The following PDE9A variants were observed in gnomAD, a reference collection of about 807,000 sequenced individuals.
PDE9A encodes the protein high affinity cGMP-specific 3',5'-cyclic phosphodiesterase 9A.
Under a neutral mutation model 87.4 loss-of-function variants are expected in PDE9A, and 60 were observed. That is an observed-to-expected ratio of 0.69 (90% confidence interval 0.56 to 0.85). The LOEUF is 0.85. Ranked by LOEUF, PDE9A falls within the 40% of genes least tolerant of loss-of-function variation. PDE9A has a pLI of 0.00. For missense variants in PDE9A, 665 were observed against 779.0 expected (o/e 0.85, Z 1.74); for synonymous variants, 272 against 279.4 (o/e 0.97, Z 0.27).
intron 1 of PDE9A, among the ~76,000 whole-genome samples, chr21:42,664,804 C>T (rs139069801): frequency 8.5e-5 from 13 of 152,190 alleles, no homozygotes; most frequent in Non-Finnish European, 1.3e-4. Context: ...GTCGGCCTTG[C>T]GAGAGACTCA....
intron 19 of PDE9A, among the ~76,000 whole-genome samples, chr21:42,773,844 C>G (rs563424941): frequency 1.1e-4 from 16 of 150,976 alleles, no homozygotes; most frequent in African/African-American, 3.9e-4. Flanking sequence ...GTGGCTCATG[C>G]CTGTAGTCCC....
intron 1 of PDE9A, among the ~76,000 whole-genome samples, chr21:42,664,235 C>T (rs756254576): frequency 3.3e-4 from 50 of 152,256 alleles, no homozygotes; most frequent in Non-Finnish European, 5.3e-4. Flanking sequence ...GTGTTCGGCT[C>T]AGTGGGCAAT....
chr21:42,759,094 C>G lies in PDE9A; in HGVS notation c.897+9C>G. 2 of 1,605,224 alleles carry G rather than the reference C, an allele frequency of 1.2e-6. No individual in the cohort carries two copies. The highest frequency in any genetic ancestry group is 8.5e-7 in the Non-Finnish European group (1 of 1,171,982). ...CCCTCAGGAGGTGGCTGGTGAGTGC[C>G]AAACCCGCCTTCGGTTCTTCCTGGG... is the stretch of plus-strand genomic sequence containing the variant. On this transcript the variant is annotated intron_variant, in intron 11 of 19. Coordinates refer to ENST00000291539, the MANE Select transcript of PDE9A (RefSeq NM_002606.3). This position sits in a 1 kb window ranked among gnomAD's most constrained non-coding sequence, Gnocchi z 7.2.
At chr21:42,750,615 G>A (rs2146976274) in intron 8 of PDE9A, among the ~76,000 whole-genome samples, 1 of 151,052 alleles carries the variant, frequency 6.6e-6, no homozygotes, top group South Asian at 2.1e-4. Context: ...TGCCCAGACT[G>A]GCCAGGCTGG....
chr21:42,715,883 C>CATTCCCTGGGTTTGGACAAATATATGA (rs1555919700), intron 4 of PDE9A, among the ~76,000 whole-genome samples: 1 of 151,706 alleles, frequency 6.6e-6, no homozygotes, highest in Non-Finnish European at 1.5e-5. Context: ...AATCGGTTCA[C>CATTCCCTGGGTTTGGACAAATATATGA]TGCCTTCAAA....
At chr21:42,689,505 C>A (rs2059670298) in intron 3 of PDE9A, 1 of 984,080 alleles carries the variant, frequency 1.0e-6, no homozygotes, top group Non-Finnish European at 1.2e-6. Flanking sequence ...ACCCACAAGA[C>A]TAAAATGATC....
intron 1 of PDE9A, among the ~76,000 whole-genome samples, chr21:42,664,463 T>C (rs2269132): frequency 0.37 from 56,866 of 152,084 alleles, 12,283 homozygotes; most frequent in African/African-American, 0.61. Flanking sequence ...TTCTACCTGC[T>C]TTCCGGGCTG....
At chr21:42,748,247 T>G (rs1216879914) in intron 8 of PDE9A, among the ~76,000 whole-genome samples, 5 of 152,240 alleles carry the variant, frequency 3.3e-5, no homozygotes. Context: ...CGTTCGTTAC[T>G]TCTCAGAAAT....
intron 4 of PDE9A, among the ~76,000 whole-genome samples, chr21:42,726,753 G>C (rs2146658084): frequency 6.7e-6 from 1 of 149,372 alleles, no homozygotes; most frequent in African/African-American, 2.5e-5. Flanking sequence ...GCGCCACTGT[G>C]TGTGGCTGGT....
intron 14 of PDE9A, among the ~76,000 whole-genome samples, chr21:42,764,979 G>GA (rs2056224050): frequency 8.2e-6 from 1 of 122,134 alleles, no homozygotes; most frequent in Non-Finnish European, 1.7e-5. Flanking sequence ...TGTGGGGTGG[G>GA]TGGGTGGATG....
intron 2 of PDE9A, among the ~76,000 whole-genome samples, chr21:42,687,557 G>A (rs915586954): frequency 1.3e-5 from 2 of 152,096 alleles, no homozygotes; most frequent in Non-Finnish European, 1.5e-5. Context: ...CAAAGGCACT[G>A]GAAGCGGAAA....
At chr21:42,768,333 AT>A (rs2056601106) in intron 16 of PDE9A, 41 bp downstream of exon 16, 1 of 1,271,936 alleles carries the variant, frequency 7.9e-7, no homozygotes. Flanking sequence ...AGCCACTCTT[AT>A]TAGCCCCACT....
chr21:42,653,766 G>C lies in PDE9A; in HGVS notation c.-49G>C. On this transcript the variant is annotated 5_prime_UTR_variant, in exon 1 of 20. Coordinates refer to ENST00000291539, the MANE Select transcript of PDE9A (RefSeq NM_002606.3). Reference sequence around the variant, plus strand: ...CCTCCCCCGCCTCCCGCGGCGGCTGGCGTCGGGAAAGTACAGTAAAAAGTC... The same window carrying C: ...CCTCCCCCGCCTCCCGCGGCGGCTGCCGTCGGGAAAGTACAGTAAAAAGTC... 1 of 1,240,136 alleles carries C rather than the reference G, an allele frequency of 8.1e-7. No individual in the cohort carries two copies. Among genetic ancestry groups the C allele is most frequent in the Non-Finnish European group, 1.1e-6 (1 of 905,000 alleles). The allele number at this position is 1,240,136 out of a possible 1,614,324, so 76.8% of individuals were successfully genotyped here. A position where few individuals can be genotyped will look rare whatever the true frequency, so the allele number is the denominator to read the frequency against.
chr21:42,742,525 G>A (rs372848020), intron 7 of PDE9A, among the ~76,000 whole-genome samples: 1 of 147,782 alleles, frequency 6.8e-6, no homozygotes, highest in Admixed American at 6.8e-5. Context: ...GAGTACAGTG[G>A]CGTGATCTCG....
chr21:42,725,165 C>T (rs1389876683), intron 4 of PDE9A, among the ~76,000 whole-genome samples: 9 of 152,188 alleles, frequency 5.9e-5, no homozygotes, highest in Non-Finnish European at 5.9e-5. Context: ...TTAATAGCCA[C>T]GCTGCTTCCC....
chr21:42,728,574 T>C (rs1055234115), intron 4 of PDE9A, among the ~76,000 whole-genome samples: 3 of 152,244 alleles, frequency 2.0e-5, no homozygotes, highest in Admixed American at 1.3e-4. Flanking sequence ...ATTATTTTTA[T>C]CTATTACTGA....
chr21:42,690,728 A>G (rs1204644257), intron 3 of PDE9A, among the ~76,000 whole-genome samples: 3 of 152,126 alleles, frequency 2.0e-5, no homozygotes, highest in African/African-American at 4.8e-5. Context: ...TCAACCTGGT[A>G]AGACACCTTC....
At chr21:42,707,254 T>A (rs2048920930) in intron 4 of PDE9A, among the ~76,000 whole-genome samples, 1 of 152,234 alleles carries the variant, frequency 6.6e-6, no homozygotes, top group Non-Finnish European at 1.5e-5. Context: ...GGATACCGGA[T>A]GCTGCGGGTG....
intron 1 of PDE9A, among the ~76,000 whole-genome samples, chr21:42,657,964 C>G (rs2057213225): frequency 6.6e-6 from 1 of 152,244 alleles, no homozygotes; most frequent in African/African-American, 2.4e-5. Context: ...TGAATGCGCA[C>G]AGCCCAAAGG....
Sources: gnomAD v4.1 joint callset for allele counts (sites outside exome capture counted in the v4.1 genomes callset) on GRCh38, gnomAD v4.1.1 for gene constraint, Gnocchi (gnomAD v3.1) non-coding constraint, MANE v1.5 for transcripts, NCBI Gene and HGNC (gene_info 2026-07-23, HGNC 2026-07-21) for gene names.